MAN2B1: variants seen among roughly 807,000 people sequenced by gnomAD.
MAN2B1 encodes the protein mannosidase alpha class 2B member 1.
MAN2B1 carries 99 observed loss-of-function variants against 127.5 expected under a neutral mutation model. That is an observed-to-expected ratio of 0.78 (90% CI 0.66 to 0.92). The LOEUF is 0.92. MAN2B1 is among the 40% of genes least tolerant of loss of function. The probability of loss-of-function intolerance (pLI) is 0.00; values close to 1 mark genes in which losing one functional copy is unlikely to be tolerated. For synonymous variants in MAN2B1, 573 were observed against 568.8 expected, an observed-to-expected ratio of 1.01 and a Z score of -0.11; for missense variants, 1,304 against 1,384.8, an observed-to-expected ratio of 0.94 and a Z score of 0.93.
Position 12,658,045 on chromosome 19 carries a change from C to G in MAN2B1, c.1309+18G>C, listed in dbSNP as rs772617831. On this transcript the variant is annotated intron_variant, in intron 10 of 23. Transcript: ENST00000456935. ...ACTTCAGCCGCAAACCTCTTCCCCT[C>G]TTGGGCCCGACACTTACTGAGGGGT... The G allele has an allele frequency of 1.7e-5, 28 of 1,610,750 alleles. No homozygotes were observed. The South Asian group carries it at 2.4e-4, about 14-fold the overall frequency.
chr19:12,656,827 C>G, intron 12 of MAN2B1, 122 bp downstream of exon 12: 1 of 1,052,092 alleles, frequency 9.5e-7, no homozygotes, highest in Non-Finnish European at 1.5e-6. Flanking sequence ...GCGTTGTTCT[C>G]TCTGCTGACC....
At chr19:12,658,639 A>C in intron 7 of MAN2B1, 129 bp from the exon 8 acceptor site, 3 of 852,904 alleles carry the variant, frequency 3.5e-6, no homozygotes, top group Non-Finnish European at 5.8e-6. Flanking sequence ...TTGGCGTGCA[A>C]GCCAATGGTT....
At chr19:12,649,018 G>C (rs746177094) in intron 20 of MAN2B1, 118 bp downstream of exon 20, 18 of 814,188 alleles carry the variant, frequency 2.2e-5, no homozygotes, top group Middle Eastern at 3.4e-4. Context: ...AGAAAGAAAC[G>C]GAGTCCTCAG....
In MAN2B1 at chr19:12,661,353, G is replaced by C; in HGVS notation, c.933C>G (p.His311Gln). ...TAQGRYYRTN[H>Q]TVMTMGSDFQ... is the part of the protein sequence containing the mutation. ...AGTCCGAGCCCATGGTCATCACAGT[G>C]TGGTTGGTGCGGTAATACCGGCCCT... The change falls in exon 7 of 24, where the codon CAC (histidine) becomes CAG (glutamine). Residue 311 changes from histidine to glutamine, a missense_variant. His to Gln is a conservative substitution (Grantham distance 24). Coordinates refer to ENST00000456935, the MANE Select transcript of MAN2B1 (RefSeq NM_000528.4). The C allele has an allele frequency of 6.2e-7, 1 of 1,613,630 alleles. No homozygotes were observed. Among genetic ancestry groups the C allele is most frequent in the Non-Finnish European group, 8.5e-7 (1 of 1,179,528 alleles).
intron 7 of MAN2B1, among the ~76,000 whole-genome samples, chr19:12,660,418 C>T (rs1051928396): frequency 6.6e-6 from 1 of 152,188 alleles, no homozygotes; most frequent in African/African-American, 2.4e-5. Context: ...AGAAGAATCA[C>T]TTGAACCCAG....
rs71168621 is a variant in MAN2B1, at chr19:12,652,536, C to CTTT, written c.1831-79_1831-77dup. The CTTT allele has an allele frequency of 2.4e-3, 1,888 of 778,390 alleles. 16 individuals carry two copies. In the African/African-American group the frequency reaches 0.027, roughly 11 times the overall value. 48.2% of individuals were successfully genotyped at this position (778,390 alleles called of 1,614,324 possible). A position where few individuals can be genotyped will look rare whatever the true frequency, so the allele number is the denominator to read the frequency against. ...TTTCTTTTTTTAATTTTTCTTTTTT[C>CTTT]TTTTTTTTTTTTTGAGACTGAGTCT... is the stretch of plus-strand genomic sequence containing the variant. On this transcript the variant is annotated intron_variant, in intron 14 of 23. Transcript: ENST00000456935.
intron 20 of MAN2B1, 132 bp downstream of exon 20, chr19:12,649,004 G>GA: frequency 3.9e-6 from 3 of 764,746 alleles, no homozygotes; most frequent in Non-Finnish European, 6.7e-6. Flanking sequence ...TCAAAGAGAA[G>GA]AAAAGAAAGA....
At chr19:12,665,852 G>A (rs2024222279) in intron 1 of MAN2B1, 47 bp from the exon 2 acceptor site, 9 of 1,445,222 alleles carry the variant, frequency 6.2e-6, no homozygotes, top group Non-Finnish European at 8.7e-6. Flanking sequence ...AACCCCCGAG[G>A]TCGGGGGCTG....
chr19:12,662,989 G>A (rs1190845106), intron 6 of MAN2B1, among the ~76,000 whole-genome samples: 1 of 149,372 alleles, frequency 6.7e-6, no homozygotes, highest in Non-Finnish European at 1.5e-5. Flanking sequence ...ATAGAGGCCA[G>A]GTGCGGTGGC....
intron 14 of MAN2B1, among the ~76,000 whole-genome samples, chr19:12,655,084 G>A (rs2023926039): frequency 1.3e-5 from 2 of 151,924 alleles, no homozygotes; most frequent in African/African-American, 2.4e-5. Flanking sequence ...CTCCCATCTG[G>A]GCCTCCCAAT....
intron 7 of MAN2B1, chr19:12,661,059 A>T: frequency 1.9e-6 from 1 of 523,988 alleles, no homozygotes; most frequent in Non-Finnish European, 3.6e-6. Flanking sequence ...GCCCGGCCTC[A>T]TGCTGGACTT....
intron 3 of MAN2B1, 92 bp downstream of exon 3, chr19:12,665,260 T>A: frequency 6.7e-7 from 1 of 1,492,808 alleles, no homozygotes; most frequent in South Asian, 1.1e-5. Context: ...GTTATACAGC[T>A]TGCACGTGGC....
At chr19:12,652,067 C>G (rs1337136562) in intron 16 of MAN2B1, 86 bp downstream of exon 16, 2 of 988,516 alleles carry the variant, frequency 2.0e-6, no homozygotes, top group Admixed American at 3.4e-5. Context: ...CCTCCCCTAC[C>G]CTCACTCTAC....
chr19:12,659,546 G>A (rs1162861372), intron 7 of MAN2B1, among the ~76,000 whole-genome samples: 4 of 150,606 alleles, frequency 2.7e-5, no homozygotes, highest in Non-Finnish European at 5.9e-5. Flanking sequence ...CAAGTGATCC[G>A]CCCACCTCAG....
chr19:12,658,634 G>A (rs550865383), intron 7 of MAN2B1, 124 bp from the exon 8 acceptor site: 13 of 895,986 alleles, frequency 1.5e-5, no homozygotes, highest in South Asian at 8.5e-5. Context: ...CATATTTGGC[G>A]TGCAAGCCAA....
intron 5 of MAN2B1, 94 bp downstream of exon 5, chr19:12,663,592 GTTCCCAGACTATAGGAA>G (rs1439274220): frequency 3.9e-6 from 6 of 1,540,490 alleles, no homozygotes; most frequent in Non-Finnish European, 4.4e-6. Context: ...CAGGGCCTTT[GTTCCCAGACTATAGGAA>G]TTCCAGGACA....
rs2023723670 is a variant in MAN2B1, at chr19:12,647,614, C to T, written c.2665-16G>A. Reference sequence around the variant, plus strand: ...GCCCTGAGAACTGCGGGAGAGAGGGCGGGGCTGAGTTGGAGAGGGGCGGGG... The same window carrying T: ...GCCCTGAGAACTGCGGGAGAGAGGGTGGGGCTGAGTTGGAGAGGGGCGGGG... On this transcript the variant is annotated splice_polypyrimidine_tract_variant and intron_variant, in intron 21 of 23. Coordinates refer to ENST00000456935, the MANE Select transcript of MAN2B1 (RefSeq NM_000528.4). The surrounding 1 kb of genome is among the most constrained non-coding windows in gnomAD (Gnocchi z 4.9). 4.5e-6 allele frequency: 6 copies of T among 1,342,194 alleles called. No individual in the cohort carries two copies. The highest frequency in any genetic ancestry group is 1.2e-5 in the South Asian group (1 of 86,012). The allele number at this position is 1,342,194 out of a possible 1,614,324, so 83.1% of individuals were successfully genotyped here. A position where few individuals can be genotyped will look rare whatever the true frequency, so the allele number is the denominator to read the frequency against.
intron 13 of MAN2B1, 132 bp from the exon 14 acceptor site, chr19:12,656,011 G>A (rs903927998): frequency 1.9e-5 from 13 of 701,390 alleles, no homozygotes; most frequent in Admixed American, 1.1e-4. Flanking sequence ...GTGGTGGGGG[G>A]ACAGTCAGAT....
chr19:12,655,205 G>A lies in MAN2B1; in HGVS notation c.1830+489C>T, dbSNP rs149496158. Among the ~76,000 whole-genome samples, 319 of 152,214 alleles carry A rather than the reference G, an allele frequency of 2.1e-3. 3 individuals carry two copies. The highest frequency in any genetic ancestry group is 7.3e-3 in the African/African-American group (304 of 41,534). On this transcript the variant is annotated intron_variant, in intron 14 of 23. Transcript: ENST00000456935. ...GGCAAAAGCCAAAGTCTTCCTGTTGGTCCTCAAGGCCCTCAAGGTCTGACC... is the reference window on the plus strand; with the variant it reads ...GGCAAAAGCCAAAGTCTTCCTGTTGATCCTCAAGGCCCTCAAGGTCTGACC...
Sources: gnomAD v4.1 joint callset for allele counts (sites outside exome capture counted in the v4.1 genomes callset) on GRCh38, gnomAD v4.1.1 for gene constraint, Gnocchi (gnomAD v3.1) non-coding constraint, MANE v1.5 for transcripts, NCBI Gene and HGNC (gene_info 2026-07-23, HGNC 2026-07-21) for gene names.